The following DYNLRB1 variants were observed in gnomAD, a reference collection of about 807,000 sequenced individuals.
DYNLRB1 encodes dynein light chain roadblock-type 1, also known as ROBL/LC7-like 1.
DYNLRB1 carries 6 observed loss-of-function variants against 13.5 expected under a neutral mutation model. The ratio of observed to expected loss-of-function variants is 0.44; its 90% CI spans 0.24 to 0.88. The LOEUF is 0.88. Ranked by LOEUF, DYNLRB1 falls within the 40% of genes least tolerant of loss-of-function variation. The pLI is 0.21. For synonymous variants in DYNLRB1, 43 were observed against 45.0 expected, an observed-to-expected ratio of 0.96 and a Z score of 0.18; for missense variants, 93 against 127.2, an observed-to-expected ratio of 0.73 and a Z score of 1.29.
At chr20:34,534,526 G>A in intron 2 of DYNLRB1, 102 bp from the exon 3 acceptor site, 3 of 1,396,282 alleles carry the variant, frequency 2.1e-6, no homozygotes, top group Non-Finnish European at 2.9e-6. Flanking sequence ...TGGTGGCATT[G>A]ACTGAGAACT....
chr20:34,516,978 C>T, intron 1 of DYNLRB1: 1 of 1,295,454 alleles, frequency 7.7e-7, no homozygotes, highest in Non-Finnish European at 9.8e-7. Context: ...TGGATTTGAA[C>T]CCTAGAAGCT....
chr20:34,525,624 G>C (rs1482564345), intron 1 of DYNLRB1, among the ~76,000 whole-genome samples: 2 of 152,136 alleles, frequency 1.3e-5, no homozygotes, highest in African/African-American at 4.8e-5. Flanking sequence ...GTGGAGGGAA[G>C]GGTAGGACAG....
At chr20:34,537,683 G>T (rs1186367785) in intron 3 of DYNLRB1, among the ~76,000 whole-genome samples, 3 of 152,220 alleles carry the variant, frequency 2.0e-5, no homozygotes, top group Non-Finnish European at 4.4e-5. Flanking sequence ...CCCTGGCGCT[G>T]AATTGCCTCA....
chr20:34,526,183 C>T (rs933534136), intron 1 of DYNLRB1, 85 bp from the exon 2 acceptor site: 1 of 1,456,486 alleles, frequency 6.9e-7, no homozygotes, highest in Non-Finnish European at 9.6e-7. Flanking sequence ...TGTTGGAAGA[C>T]AAACGTATGA....
intron 2 of DYNLRB1, among the ~76,000 whole-genome samples, chr20:34,532,591 G>T (rs1476200004): frequency 6.6e-6 from 1 of 152,154 alleles, no homozygotes; most frequent in Non-Finnish European, 1.5e-5. Context: ...TATAATGGAC[G>T]CATTCATTAC....
chr20:34,538,147 T>TTC (rs869050124), intron 3 of DYNLRB1, among the ~76,000 whole-genome samples: 1 of 147,836 alleles, frequency 6.8e-6, no homozygotes, highest in South Asian at 2.2e-4. Context: ...TTTTTTTTTT[T>TTC]GGTAGAGACA....
chr20:34,534,676 C>G lies in DYNLRB1; in HGVS notation c.128C>G (p.Ala43Gly). 6.3e-7 allele frequency: 1 copy of G among 1,597,222 alleles called. No individual in the cohort carries two copies. Among genetic ancestry groups the G allele is most frequent in the South Asian group, 1.1e-5 (1 of 87,442 alleles). The change falls in exon 3 of 4, where the codon GCC becomes GGC. Residue 43 changes from alanine to glycine, a missense_variant. Transcript: ENST00000357156. ...GACAACCCCACCACCACCCAGTATGCCAGCCTCATGCACAGCTTCATCCTG... is the reference window on the plus strand; with the variant it reads ...GACAACCCCACCACCACCCAGTATGGCAGCCTCATGCACAGCTTCATCCTG... ...TMDNPTTTQY[A>G]SLMHSFILKA...
chr20:34,528,795 A>AC (rs1293319184), intron 2 of DYNLRB1, among the ~76,000 whole-genome samples: 1 of 151,142 alleles, frequency 6.6e-6, no homozygotes, highest in African/African-American at 2.4e-5. Context: ...ATGTAGTGAG[A>AC]CCCCGAACTC....
chr20:34,523,500 C>G (rs548812202), intron 1 of DYNLRB1, among the ~76,000 whole-genome samples: 124 of 152,264 alleles, frequency 8.1e-4, no homozygotes, highest in African/African-American at 2.7e-3. Flanking sequence ...TTTGCTTTTC[C>G]CCCTGAACAT....
chr20:34,535,555 A>G, intron 3 of DYNLRB1: 1 of 855,604 alleles, frequency 1.2e-6, no homozygotes, highest in Non-Finnish European at 1.4e-6. Flanking sequence ...CCTCGCTCTC[A>G]CTCATGGACT....
intron 1 of DYNLRB1, among the ~76,000 whole-genome samples, chr20:34,524,658 C>T (rs939578022): frequency 2.0e-5 from 3 of 152,016 alleles, no homozygotes; most frequent in African/African-American, 4.8e-5. Context: ...TGTACTCTCA[C>T]GTCCACAGAG....
chr20:34,526,169 T>G, intron 1 of DYNLRB1, 99 bp from the exon 2 acceptor site: 1 of 1,334,940 alleles, frequency 7.5e-7, no homozygotes, highest in South Asian at 1.2e-5. Context: ...TATTACTTGT[T>G]TGTTGTTGGA....
intron 3 of DYNLRB1, chr20:34,535,219 G>A (rs2146649260): frequency 1.0e-6 from 1 of 985,412 alleles, no homozygotes. Flanking sequence ...AGCCACGTTT[G>A]GAAGAATATT....
chr20:34,532,977 A>G (rs933016295), intron 2 of DYNLRB1, among the ~76,000 whole-genome samples: 2 of 152,122 alleles, frequency 1.3e-5, no homozygotes, highest in Non-Finnish European at 2.9e-5. Context: ...CTATGTGAGG[A>G]GCTACTTGTG....
chr20:34,533,275 C>G (rs546746494), intron 2 of DYNLRB1, among the ~76,000 whole-genome samples: 127 of 152,290 alleles, frequency 8.3e-4, no homozygotes, highest in Non-Finnish European at 1.6e-3. Context: ...CCTAAGTAGC[C>G]AACAGTAGGG....
At chr20:34,535,038 A>T (rs1981033617) in intron 3 of DYNLRB1, 1 of 1,343,084 alleles carries the variant, frequency 7.4e-7, no homozygotes. Context: ...CGTGAGCATC[A>T]TGTGTGTCTC....
At chr20:34,520,119 ACT>A (rs1489682656) in intron 1 of DYNLRB1, among the ~76,000 whole-genome samples, 1 of 152,176 alleles carries the variant, frequency 6.6e-6, no homozygotes, top group Non-Finnish European at 1.5e-5. Context: ...ACAGAGCAAG[ACT>A]CTGTCTCAAA....
At chr20:34,515,761 C>T (rs967526061), upstream of DYNLRB1, among the ~76,000 whole-genome samples, 5 of 152,180 alleles carry the variant, frequency 3.3e-5, no homozygotes, top group African/African-American at 9.7e-5. Context: ...TCCCACTTGC[C>T]TTCATACCCT....
chr20:34,516,455 G>C lies in DYNLRB1; in HGVS notation c.-4G>C, dbSNP rs758362798. The C allele has an allele frequency of 6.8e-6, 11 of 1,613,298 alleles. No individual in the cohort carries two copies. The highest frequency in any genetic ancestry group is 3.3e-5 in the Admixed American group (2 of 59,964). On this transcript the variant is annotated 5_prime_UTR_variant, in exon 1 of 4. Transcript: ENST00000357156. ...GCTACGCGGGGCTACCGGATCGGTC[G>C]GAAATGGTGAGCGTGCGCCGGGGTC...
Sources: allele counts gnomAD v4.1 joint callset (sites outside exome capture counted in the v4.1 genomes callset), GRCh38; gene constraint gnomAD v4.1.1; transcripts MANE v1.5; gene names NCBI Gene and HGNC (gene_info 2026-07-23, HGNC 2026-07-21).